Variants in KYAT3 observed in about 807,000 individuals in gnomAD.
The protein encoded by KYAT3 is kynurenine--oxoglutarate transaminase 3.
KYAT3 carries 50 observed loss-of-function variants against 59.0 expected under a neutral mutation model. The observed-to-expected ratio is 0.85, with a 90% CI of 0.68 to 1.07. The LOEUF (loss-of-function observed/expected upper bound fraction) is 1.07, where lower values mean the gene tolerates loss of function less well. Among genes scored for constraint, KYAT3 ranks in the 50% least tolerant of loss-of-function variants. The pLI, the probability that KYAT3 is intolerant of heterozygous loss-of-function variation, is 0.00. For synonymous variants in KYAT3, 148 were observed against 177.0 expected, an observed-to-expected ratio of 0.84 and a Z score of 1.30; for missense variants, 497 against 533.3, an observed-to-expected ratio of 0.93 and a Z score of 0.67.
At chr1:88,955,668 A>G (rs1675884313) in intron 8 of KYAT3, among the ~76,000 whole-genome samples, 1 of 152,118 alleles carries the variant, frequency 6.6e-6, no homozygotes. Context: ...TTCTGAGTGT[A>G]TTTCTCCAGG....
chr1:88,950,278 A>G (rs569324652), intron 10 of KYAT3, among the ~76,000 whole-genome samples: 6 of 152,334 alleles, frequency 3.9e-5, no homozygotes, highest in African/African-American at 1.2e-4. Context: ...AGAGAGGGGC[A>G]AGATCACAGA....
downstream of KYAT3, among the ~76,000 whole-genome samples, chr1:88,935,425 A>G (rs1674999501): frequency 6.6e-6 from 1 of 152,034 alleles, no homozygotes; most frequent in African/African-American, 2.4e-5. Flanking sequence ...ATGAGCTGGA[A>G]GAATAGGTCA....
chr1:88,930,960 T>C (rs1031777605), downstream of KYAT3, among the ~76,000 whole-genome samples: 1 of 152,120 alleles, frequency 6.6e-6, no homozygotes, highest in Admixed American at 6.5e-5. Flanking sequence ...GAAGGACCCC[T>C]AGTGTGGGGT....
At chr1:88,954,667 A>G (rs1474608833) in intron 9 of KYAT3, among the ~76,000 whole-genome samples, 1 of 152,208 alleles carries the variant, frequency 6.6e-6, no homozygotes, top group African/African-American at 2.4e-5. Context: ...AAAAGGATAA[A>G]ACTCAACATG....
chr1:88,977,626 A>C (rs1356965475), intron 2 of KYAT3, among the ~76,000 whole-genome samples: 2 of 152,250 alleles, frequency 1.3e-5, no homozygotes, highest in African/African-American at 2.4e-5. Flanking sequence ...GGCGTGAGCC[A>C]CTGCACTTGG....
rs758906072 is a variant in KYAT3 at position 88,943,094 on chromosome 1, GA to G, written c.1216-4del. On this transcript the variant is annotated splice_region_variant and splice_polypyrimidine_tract_variant and intron_variant, in intron 12 of 13. Transcript: ENST00000260508. ...GAAACGGGGATGGCTGATAGTTTCT[GA>G]AAAATAAATAGAAACATATAATAAG... 3.8e-6 allele frequency: 6 copies of G among 1,598,494 alleles called. No homozygotes were observed. The highest frequency in any genetic ancestry group is 5.1e-6 in the Non-Finnish European group (6 of 1,167,584).
At chr1:88,944,276 A>T (rs1352795404) in intron 11 of KYAT3, among the ~76,000 whole-genome samples, 2 of 152,220 alleles carry the variant, frequency 1.3e-5, no homozygotes, top group Non-Finnish European at 2.9e-5. Flanking sequence ...ATTGAGGCAG[A>T]TATCTTACTT....
At chr1:88,980,911 A>G (rs961495954) in intron 2 of KYAT3, 3 of 152,212 alleles carry the variant, frequency 2.0e-5, no homozygotes, top group African/African-American at 7.2e-5. Context: ...CTGCCAAATG[A>G]GAGTTAAAAA....
rs189116729 is a variant in KYAT3 at position 88,963,805 on chromosome 1, G to A, written c.453+1024C>T. Among the ~76,000 whole-genome samples, 36 of 152,336 alleles carry A rather than the reference G, an allele frequency of 2.4e-4. 1 individual carries two copies. The East Asian group carries it at 6.2e-3, about 26-fold the overall frequency. ...AAAAAGTATTAAAGTAAGGCTATTG[G>A]AATGCTAATGGGAAATACGGGTAGA... is the stretch of plus-strand genomic sequence containing the variant. On this transcript the variant is annotated intron_variant, in intron 5 of 13. Coordinates refer to ENST00000260508, the MANE Select transcript of KYAT3 (RefSeq NM_001008661.3).
intron 10 of KYAT3, among the ~76,000 whole-genome samples, chr1:88,952,204 GT>G (rs1390748740): frequency 6.6e-6 from 1 of 152,204 alleles, no homozygotes; most frequent in Non-Finnish European, 1.5e-5. Context: ...ACATTTCAAT[GT>G]TTGGATAGAT....
At chr1:88,941,908 G>A (rs941107394) in intron 13 of KYAT3, among the ~76,000 whole-genome samples, 3 of 152,108 alleles carry the variant, frequency 2.0e-5, no homozygotes, top group Non-Finnish European at 4.4e-5. Context: ...ACCTAATTGT[G>A]CTTTTAAAAT....
chr1:88,985,368 T>C (rs1178448943), intron 2 of KYAT3, among the ~76,000 whole-genome samples: 2 of 152,130 alleles, frequency 1.3e-5, no homozygotes, highest in Non-Finnish European at 2.9e-5. Flanking sequence ...TCAAGACAAC[T>C]AGAAGTTTGG....
At chr1:88,949,940 A>T (rs1285177314) in intron 10 of KYAT3, among the ~76,000 whole-genome samples, 1 of 152,204 alleles carries the variant, frequency 6.6e-6, no homozygotes, top group African/African-American at 2.4e-5. Flanking sequence ...ATATTAAAAT[A>T]GTAAACCCCA....
At chr1:88,990,387 C>T (rs538490982) in intron 1 of KYAT3, among the ~76,000 whole-genome samples, 1 of 152,308 alleles carries the variant, frequency 6.6e-6, no homozygotes, top group South Asian at 2.1e-4. Context: ...CAACCCAGTG[C>T]AGTCTGACTT....
intron 9 of KYAT3, among the ~76,000 whole-genome samples, chr1:88,954,690 G>A (rs1484427241): frequency 6.6e-6 from 1 of 152,130 alleles, no homozygotes; most frequent in African/African-American, 2.4e-5. Context: ...AGCCAAATAA[G>A]TCAAGAGATA....
Position 88,953,047 on chromosome 1 carries a change from T to TTC in KYAT3, c.954+15_954+16insGA. 6.7e-7 allele frequency: 1 copy of TTC among 1,487,014 alleles called. No individual in the cohort carries two copies. Among genetic ancestry groups the TTC allele is most frequent in the Non-Finnish European group, 9.4e-7 (1 of 1,064,836 alleles). 92.1% of individuals were successfully genotyped at this position (1,487,014 alleles called of 1,614,324 possible). A position where few individuals can be genotyped will look rare whatever the true frequency, so the allele number is the denominator to read the frequency against. ...CAAAAGACAATGCTTCTACCCTGAGTTACTATAACACTTACCTGTAAAGGA... is the reference window on the plus strand; with the variant it reads ...CAAAAGACAATGCTTCTACCCTGAGTTCTACTATAACACTTACCTGTAAAGGA... On this transcript the variant is annotated intron_variant, in intron 10 of 13. Transcript: ENST00000260508.
chr1:88,925,653 A>G, the KYAT3 span, among the ~76,000 whole-genome samples: 1 of 151,338 alleles, frequency 6.6e-6, no homozygotes, highest in Non-Finnish European at 1.5e-5. Context: ...GACAGAGGAG[A>G]GAGAGATGGA....
chr1:88,935,327 T>C (rs957895972), downstream of KYAT3, among the ~76,000 whole-genome samples: 8 of 145,148 alleles, frequency 5.5e-5, no homozygotes, highest in African/African-American at 2.1e-4. Context: ...TGAAAAGAGC[T>C]GAGGAGAAGG....
chr1:88,959,572 C>A (rs1267417285), intron 8 of KYAT3, among the ~76,000 whole-genome samples: 30 of 117,992 alleles, frequency 2.5e-4, no homozygotes, highest in African/African-American at 5.8e-4. Flanking sequence ...GACTCTGTCT[C>A]AAAAAAAAAA....
Sources: allele counts gnomAD v4.1 joint callset (sites outside exome capture counted in the v4.1 genomes callset), GRCh38; gene constraint gnomAD v4.1.1; transcripts MANE v1.5; gene names NCBI Gene and HGNC (gene_info 2026-07-23, HGNC 2026-07-21).